Variants in SH3RF3 observed in about 807,000 individuals in gnomAD.
SH3RF3 encodes SH3 domain containing ring finger 3.
In SH3RF3, 29 loss-of-function variants were observed where a neutral mutation model predicts 66.3. The ratio of observed to expected loss-of-function variants is 0.44; its 90% CI spans 0.33 to 0.60. SH3RF3 has a LOEUF of 0.60. Among genes scored for constraint, SH3RF3 ranks in the 20% least tolerant of loss-of-function variants. The pLI is 0.04. For synonymous variants in SH3RF3, 583 were observed against 532.0 expected (o/e 1.10, Z -1.32); for missense variants, 1,194 against 1,190.9 (o/e 1.00, Z -0.04).
chr2:109,225,855 T>C (rs1426629213), intron 1 of SH3RF3, among the ~76,000 whole-genome samples: 1 of 152,238 alleles, frequency 6.6e-6, no homozygotes, highest in Non-Finnish European at 1.5e-5. Context: ...AGCCTTGACC[T>C]CCTGGGATGA....
intron 1 of SH3RF3, among the ~76,000 whole-genome samples, chr2:109,291,975 T>C (rs1460376720): frequency 6.6e-6 from 1 of 152,242 alleles, no homozygotes; most frequent in Non-Finnish European, 1.5e-5. Context: ...GCCATTCTTA[T>C]GCCTCAGCCT....
chr2:109,357,874 C>A, intron 2 of SH3RF3, among the ~76,000 whole-genome samples: 1 of 152,232 alleles, frequency 6.6e-6, no homozygotes, highest in Non-Finnish European at 1.5e-5. Context: ...CAACATCACT[C>A]ACCAGAGTTA....
intron 1 of SH3RF3, among the ~76,000 whole-genome samples, chr2:109,187,825 G>A (rs766472476): frequency 9.9e-5 from 15 of 152,210 alleles, no homozygotes; most frequent in Admixed American, 3.9e-4. Context: ...CTGCCATTGT[G>A]ACCAGGACCC....
intron 1 of SH3RF3, among the ~76,000 whole-genome samples, chr2:109,188,322 G>T (rs1678250723): frequency 6.6e-6 from 1 of 152,192 alleles, no homozygotes; most frequent in Non-Finnish European, 1.5e-5. Flanking sequence ...AAGCTGTCTG[G>T]CCTGGAGCGT....
At chr2:109,280,735 C>T (rs960973635) in intron 1 of SH3RF3, among the ~76,000 whole-genome samples, 7 of 152,238 alleles carry the variant, frequency 4.6e-5, no homozygotes, top group African/African-American at 1.2e-4. Context: ...AAATGGGGCT[C>T]ACCCGATGAG....
At chr2:109,279,383 A>G (rs924783287) in intron 1 of SH3RF3, among the ~76,000 whole-genome samples, 2 of 152,216 alleles carry the variant, frequency 1.3e-5, no homozygotes, top group African/African-American at 4.8e-5. Flanking sequence ...AGGTTCTTGC[A>G]TGGAAGTTGC....
intron 7 of SH3RF3, among the ~76,000 whole-genome samples, chr2:109,447,862 T>C (rs1677753414): frequency 1.3e-5 from 2 of 152,364 alleles, no homozygotes; most frequent in South Asian, 4.1e-4. Context: ...TTGTTTTTGC[T>C]GGCAGCAAGG....
intron 1 of SH3RF3, among the ~76,000 whole-genome samples, chr2:109,137,940 G>A (rs919792870): frequency 2.0e-5 from 3 of 152,238 alleles, no homozygotes. Flanking sequence ...AGGCCAGGCC[G>A]ACTTCTGGAG....
chr2:109,218,405 C>T (rs1679151367), intron 1 of SH3RF3, among the ~76,000 whole-genome samples: 1 of 152,136 alleles, frequency 6.6e-6, no homozygotes, highest in Non-Finnish European at 1.5e-5. Flanking sequence ...TAGAAACAGT[C>T]TTTGAGTGAA....
At chr2:109,316,823 C>T (rs72627480) in intron 1 of SH3RF3, among the ~76,000 whole-genome samples, 47,465 of 152,128 alleles carry the variant, frequency 0.31, 9,181 homozygotes, top group African/African-American at 0.55. Flanking sequence ...CTGGCCTCAC[C>T]CTCTGGCTGC....
chr2:109,370,498 C>G (rs191805941), intron 2 of SH3RF3, among the ~76,000 whole-genome samples: 54 of 152,246 alleles, frequency 3.5e-4, no homozygotes, highest in African/African-American at 1.3e-3. Flanking sequence ...CTCGACCTCC[C>G]AAAGTGCTGT....
At chr2:109,376,085 C>T (rs569666640) in intron 3 of SH3RF3, among the ~76,000 whole-genome samples, 1 of 152,326 alleles carries the variant, frequency 6.6e-6, no homozygotes, top group Admixed American at 6.5e-5. Flanking sequence ...AGGCAGAGAG[C>T]ACTGTCCTGT....
intron 4 of SH3RF3, among the ~76,000 whole-genome samples, chr2:109,407,016 A>T (rs1236567704): frequency 6.6e-6 from 1 of 152,214 alleles, no homozygotes; most frequent in Admixed American, 6.5e-5. Context: ...TTTCCAAAGT[A>T]AGGCTAGTGT....
chr2:109,377,582 G>C (rs1683416164), intron 3 of SH3RF3, among the ~76,000 whole-genome samples: 1 of 152,172 alleles, frequency 6.6e-6, no homozygotes, highest in African/African-American at 2.4e-5. Flanking sequence ...TGGATGGAAT[G>C]CTGTTTATAG....
At chr2:109,376,143 G>C (rs1192127988) in intron 3 of SH3RF3, among the ~76,000 whole-genome samples, 1 of 152,238 alleles carries the variant, frequency 6.6e-6, no homozygotes, top group Non-Finnish European at 1.5e-5. Context: ...CTGCTCCTCG[G>C]TCCATTGCTG....
chr2:109,344,395 A>G (rs1170004261), intron 1 of SH3RF3, among the ~76,000 whole-genome samples: 6 of 152,192 alleles, frequency 3.9e-5, no homozygotes, highest in Non-Finnish European at 8.8e-5. Context: ...AAAGCCCTGC[A>G]TGTTCCAGGT....
intron 1 of SH3RF3, among the ~76,000 whole-genome samples, chr2:109,301,232 C>T (rs1681458512): frequency 6.6e-6 from 1 of 152,068 alleles, no homozygotes; most frequent in African/African-American, 2.4e-5. Flanking sequence ...TTGCTGATCT[C>T]TGTGCACCGG....
chr2:109,247,334 C>T (rs1243695698), intron 1 of SH3RF3, among the ~76,000 whole-genome samples: 2 of 152,112 alleles, frequency 1.3e-5, no homozygotes, highest in Non-Finnish European at 2.9e-5. Flanking sequence ...TCTCTGCAGC[C>T]CCTCCCTGAA....
chr2:109,178,990 A>G (rs1343458098), intron 1 of SH3RF3, among the ~76,000 whole-genome samples: 1 of 119,198 alleles, frequency 8.4e-6, no homozygotes, highest in Non-Finnish European at 2.0e-5. Context: ...TTTTTTTCTT[A>G]TAAAGTATAA....
Sources: gnomAD v4.1 joint callset for allele counts (sites outside exome capture counted in the v4.1 genomes callset) on GRCh38, gnomAD v4.1.1 for gene constraint, MANE v1.5 for transcripts, NCBI Gene and HGNC (gene_info 2026-07-23, HGNC 2026-07-21) for gene names.